KPNA7: variants seen among roughly 807,000 people sequenced by gnomAD.
The protein encoded by KPNA7 is importin subunit alpha-8.
Under a neutral mutation model 53.7 loss-of-function variants are expected in KPNA7, and 54 were observed. The observed-to-expected ratio is 1.01, with a 90% CI of 0.81 to 1.26. KPNA7 has a LOEUF of 1.26. Among genes scored for constraint, KPNA7 ranks in the 50% most tolerant of loss-of-function variants. KPNA7 has a pLI of 0.00. For missense variants in KPNA7, 640 were observed against 644.5 expected (o/e 0.99, Z 0.07); for synonymous variants, 276 against 259.3 (o/e 1.06, Z -0.62).
chr7:99,174,213 T>C (rs958049982), intron 10 of KPNA7, among the ~76,000 whole-genome samples: 4 of 152,202 alleles, frequency 2.6e-5, no homozygotes, highest in Non-Finnish European at 5.9e-5. Context: ...TATTGTGAAC[T>C]GCGCATGCCA....
the KPNA7 span, among the ~76,000 whole-genome samples, chr7:99,163,451 C>T: frequency 2.5e-5 from 3 of 120,784 alleles, no homozygotes; most frequent in Admixed American, 2.2e-4. Context: ...TGCAGTGGTG[C>T]AATTGTAGCT....
chr7:99,182,716 C>A (rs1312893915), intron 8 of KPNA7, among the ~76,000 whole-genome samples: 1 of 152,140 alleles, frequency 6.6e-6, no homozygotes, highest in African/African-American at 2.4e-5. Context: ...TAGAGGGAAG[C>A]TCTAAGATCA....
In KPNA7 at chr7:99,193,104, A is replaced by C; in HGVS notation, c.554-3T>G. On this transcript the variant is annotated splice_polypyrimidine_tract_variant and splice_region_variant and intron_variant, in intron 5 of 10. Transcript: ENST00000327442. Reference sequence around the variant, plus strand: ...ATCTCTGAACTCTGGGCCATCACCTACAAATAGAGCAGAATGTGACATTTA... The same window carrying C: ...ATCTCTGAACTCTGGGCCATCACCTCCAAATAGAGCAGAATGTGACATTTA... 1.4e-6 allele frequency: 2 copies of C among 1,468,594 alleles called. No individual in the cohort carries two copies. The highest frequency in any genetic ancestry group is 1.8e-6 in the Non-Finnish European group (2 of 1,108,680). 91.0% of individuals were successfully genotyped at this position (1,468,594 alleles called of 1,614,324 possible). A position where few individuals can be genotyped will look rare whatever the true frequency, so the allele number is the denominator to read the frequency against.
intron 1 of KPNA7, among the ~76,000 whole-genome samples, chr7:99,218,173 T>A (rs1791260459): frequency 6.6e-6 from 1 of 152,148 alleles, no homozygotes. Context: ...CTAATTTTTT[T>A]ATTTTTTGGT....
In KPNA7 at chr7:99,195,052, C is replaced by T. The variant is rs1790153721; in HGVS notation, c.553+18G>A. 1.3e-6 allele frequency: 2 copies of T among 1,549,882 alleles called. No individual in the cohort carries two copies. Among genetic ancestry groups the T allele is most frequent in the East Asian group, 4.9e-5 (2 of 40,858 alleles). On this transcript the variant is annotated intron_variant, in intron 5 of 10. Coordinates refer to ENST00000327442, the MANE Select transcript of KPNA7 (RefSeq NM_001145715.3). ...CACCTGGCCCCGTTTTCTTAGCCCACTAAGGGGAGAGTCTCACCGGCTATA... is the reference window on the plus strand; with the variant it reads ...CACCTGGCCCCGTTTTCTTAGCCCATTAAGGGGAGAGTCTCACCGGCTATA...
chr7:99,187,802 A>T (rs1315535762), intron 7 of KPNA7, among the ~76,000 whole-genome samples: 5 of 664 alleles, frequency 7.5e-3, no homozygotes, highest in African/African-American at 0.014. Flanking sequence ...TTTTTTTTAA[A>T]AAAAAAAAAA....
intron 8 of KPNA7, among the ~76,000 whole-genome samples, chr7:99,184,125 G>T (rs1292932940): frequency 6.6e-6 from 1 of 150,660 alleles, no homozygotes; most frequent in Non-Finnish European, 1.5e-5. Context: ...CTGGGATTAC[G>T]GACATAAGCC....
At chr7:99,211,230 G>T (rs2150786383), upstream of KPNA7, among the ~76,000 whole-genome samples, 1 of 152,276 alleles carries the variant, frequency 6.6e-6, no homozygotes, top group South Asian at 2.1e-4. Context: ...GACCAACCTG[G>T]CCAACATGGC....
At chr7:99,174,472 T>C (rs537502997) in intron 10 of KPNA7, among the ~76,000 whole-genome samples, 117 of 152,308 alleles carry the variant, frequency 7.7e-4, no homozygotes, top group African/African-American at 2.7e-3. Context: ...GTGGAAAATT[T>C]GTCTTTCACA....
the KPNA7 span, among the ~76,000 whole-genome samples, chr7:99,146,725 A>C: frequency 2.3e-5 from 2 of 86,852 alleles, no homozygotes; most frequent in African/African-American, 9.0e-5. Flanking sequence ...AAAAAAAAAA[A>C]AAAAAAAAAA....
intron 7 of KPNA7, among the ~76,000 whole-genome samples, chr7:99,187,162 T>TGC (rs1181914782): frequency 6.6e-6 from 1 of 151,844 alleles, no homozygotes; most frequent in Non-Finnish European, 1.5e-5. Flanking sequence ...TGGTAGTGGG[T>TGC]GCCTGTGATC....
At chr7:99,196,488 T>C (rs1880785) in intron 3 of KPNA7, among the ~76,000 whole-genome samples, 116 of 152,104 alleles carry the variant, frequency 7.6e-4, no homozygotes, top group Non-Finnish European at 1.2e-3. Flanking sequence ...CTCCTCCACA[T>C]AGGCAAAGAG....
chr7:99,162,799 C>T, the KPNA7 span, among the ~76,000 whole-genome samples: 1 of 152,088 alleles, frequency 6.6e-6, no homozygotes, highest in Non-Finnish European at 1.5e-5. Flanking sequence ...ACCTTTCCAC[C>T]TCCCTTCAAC....
chr7:99,153,375 T>C, the KPNA7 span, among the ~76,000 whole-genome samples: 27 of 151,866 alleles, frequency 1.8e-4, no homozygotes, highest in Admixed American at 6.6e-5. Flanking sequence ...CTGGCCAACA[T>C]GGCGAAACCC....
chr7:99,190,219 C>T (rs1316978313), intron 6 of KPNA7, among the ~76,000 whole-genome samples: 3 of 151,842 alleles, frequency 2.0e-5, no homozygotes, highest in African/African-American at 7.3e-5. Context: ...TGCCTGTAAT[C>T]CCAGCTACTC....
chr7:99,192,859 T>C (rs1401658389), intron 6 of KPNA7, among the ~76,000 whole-genome samples, 160 bp downstream of exon 6: 1 of 152,112 alleles, frequency 6.6e-6, no homozygotes, highest in Non-Finnish European at 1.5e-5. Context: ...CCTGGTACTG[T>C]GGCTCACGTC....
At chr7:99,174,813 A>T (rs1179282604) in intron 10 of KPNA7, among the ~76,000 whole-genome samples, 30 of 145,846 alleles carry the variant, frequency 2.1e-4, no homozygotes, top group Non-Finnish European at 2.9e-4. Context: ...TCTCTTATTT[A>T]TTATTTTTTT....
the KPNA7 span, among the ~76,000 whole-genome samples, chr7:99,160,022 T>G: frequency 6.6e-3 from 474 of 71,622 alleles, 1 homozygote; most frequent in African/African-American, 0.017. Context: ...TTTTTGTTTT[T>G]TTTTTTTTTT....
Position 99,195,212 on chromosome 7 carries a change from G to T in KPNA7, c.411C>A (p.Ala137=), listed in dbSNP as rs61751722. The T allele has an allele frequency of 3.2e-6, 5 of 1,551,400 alleles. No individual in the cohort carries two copies. In the East Asian group the frequency reaches 1.2e-4, roughly 38 times the overall value. The change falls in exon 5 of 11, where the codon GCC becomes GCA. Residue 137 remains alanine (A), a synonymous_variant. Transcript: ENST00000327442. ...YPCLQFEAAW[A]LTNIASGTSE... ...AAGTCCCTGAAGCGATGTTGGTCAG[G>T]GCCCAGGCAGCCTCAAACTGCAAGC...
Sources: gnomAD v4.1 joint callset for allele counts (sites outside exome capture counted in the v4.1 genomes callset) on GRCh38, gnomAD v4.1.1 for gene constraint, MANE v1.5 for transcripts, NCBI Gene and HGNC (gene_info 2026-07-23, HGNC 2026-07-21) for gene names.